The following ADRA1A variants were observed in gnomAD, a reference collection of about 807,000 sequenced individuals.
ADRA1A encodes the protein adrenoceptor alpha 1A.
In ADRA1A, 31 loss-of-function variants were observed where a neutral mutation model predicts 29.6. That is an observed-to-expected ratio of 1.05 (90% CI 0.79 to 1.41). The LOEUF is 1.41. Among genes scored for constraint, ADRA1A ranks in the 40% most tolerant of loss-of-function variants. The probability of loss-of-function intolerance (pLI) is 0.00; values close to 1 mark genes in which losing one functional copy is unlikely to be tolerated. For synonymous variants in ADRA1A, 311 were observed against 254.3 expected (o/e 1.22, Z -2.12); for missense variants, 619 against 601.1 (o/e 1.03, Z -0.31).
chr8:26,794,724 AG>A (rs1463845169), intron 2 of ADRA1A, among the ~76,000 whole-genome samples: 3 of 152,100 alleles, frequency 2.0e-5, no homozygotes, highest in Non-Finnish European at 4.4e-5. Flanking sequence ...TTGACCTATG[AG>A]CTCTAGTTAG....
rs1035737334 is a variant in ADRA1A, at chr8:26,769,992, C to A, written c.*157G>T. ...CACCCTCCCTCTTCCCTGTGCCCTACCCGCTGCCTGATGAGTTGGGTCTAC... is the reference window on the plus strand; with the variant it reads ...CACCCTCCCTCTTCCCTGTGCCCTAACCGCTGCCTGATGAGTTGGGTCTAC... On this transcript the variant is annotated 3_prime_UTR_variant, in exon 3 of 3. Coordinates refer to ENST00000380573, the MANE Select transcript of ADRA1A (RefSeq NM_000680.4). 2 of 1,440,262 alleles carry A rather than the reference C, an allele frequency of 1.4e-6. No homozygotes were observed. The highest frequency in any genetic ancestry group is 1.8e-6 in the Non-Finnish European group (2 of 1,101,468). 89.2% of individuals were successfully genotyped at this position (1,440,262 alleles called of 1,614,324 possible).
At position 26,803,919 on chromosome 8, in the gene ADRA1A, CTT is replaced by C. The variant is rs34314160; in HGVS notation, c.884-33255_884-33254del. Among the ~76,000 whole-genome samples, 280 of 95,202 alleles carry C rather than the reference CTT, an allele frequency of 2.9e-3. 3 individuals carry two copies. The highest frequency in any genetic ancestry group is 0.022 in the Admixed American group (162 of 7,492). The allele number at this position is 95,202 out of a possible 152,430, so 62.5% of individuals were successfully genotyped here. A position where few individuals can be genotyped will look rare whatever the true frequency, so the allele number is the denominator to read the frequency against. On this transcript the variant is annotated intron_variant, in intron 2 of 2. Coordinates refer to ENST00000380573, the MANE Select transcript of ADRA1A (RefSeq NM_000680.4). ...TGCAAAAGAATATTTTGGAAGTTTC[CTT>C]TTTTTTTTTTTTTTTTTTTTGAGAT...
At position 26,775,605 on chromosome 8, in the gene ADRA1A, C is replaced by T. The variant is rs1271083630; in HGVS notation, c.884-4939G>A. Among the ~76,000 whole-genome samples the T allele has an allele frequency of 6.6e-6, 1 of 152,200 alleles. No homozygotes were observed. Among genetic ancestry groups the T allele is most frequent in the Admixed American group, 6.5e-5 (1 of 15,280 alleles). ...AGCTCCTGACTTAATCCCCTGAACA[C>T]CTTGCCCTGCAGCTCAAGCCATCCT... On this transcript the variant is annotated intron_variant, in intron 2 of 2. Transcript: ENST00000380573. This position sits in a 1 kb window ranked among gnomAD's most constrained non-coding sequence, Gnocchi z 4.1.
chr8:26,808,826 T>C (rs1404088350), intron 2 of ADRA1A, among the ~76,000 whole-genome samples: 1 of 152,246 alleles, frequency 6.6e-6, no homozygotes, highest in Non-Finnish European at 1.5e-5. Context: ...TTTATTCTTA[T>C]TGTCATAAAT....
intron 2 of ADRA1A, among the ~76,000 whole-genome samples, chr8:26,820,884 TTTGTTG>T (rs10593968): frequency 4.6e-5 from 7 of 151,074 alleles, no homozygotes; most frequent in East Asian, 3.9e-4. Flanking sequence ...ATTAGGCCAT[TTTGTTG>T]TTGTTGTTGT....
At chr8:26,779,543 C>G (rs1435032769) in intron 2 of ADRA1A, 1 of 590,860 alleles carries the variant, frequency 1.7e-6, no homozygotes, top group Admixed American at 2.9e-5. Context: ...CCATGACAAG[C>G]AGGATGATGA....
intron 2 of ADRA1A, among the ~76,000 whole-genome samples, chr8:26,772,925 A>G (rs1040832266): frequency 1.3e-5 from 2 of 152,164 alleles, no homozygotes; most frequent in Non-Finnish European, 2.9e-5. Context: ...AGAAAGTTTT[A>G]TTCTTTAGCT....
chr8:26,830,739 C>T (rs954950313), intron 2 of ADRA1A, among the ~76,000 whole-genome samples: 1 of 152,122 alleles, frequency 6.6e-6, no homozygotes, highest in Non-Finnish European at 1.5e-5. Flanking sequence ...TGAGATGATC[C>T]TAGGGGAAAG....
downstream of ADRA1A, among the ~76,000 whole-genome samples, chr8:26,755,266 G>A (rs66479216): frequency 0.038 from 5,689 of 151,080 alleles, 138 homozygotes; most frequent in Admixed American, 0.065. Context: ...AGAGAATCAC[G>A]CAACTGGGAA....
intron 2 of ADRA1A, among the ~76,000 whole-genome samples, chr8:26,790,548 T>A (rs1374961600): frequency 1.3e-5 from 2 of 152,170 alleles, no homozygotes; most frequent in Non-Finnish European, 2.9e-5. Flanking sequence ...TATAGCACTA[T>A]AAGATGACTA....
At chr8:26,844,210 T>TA (rs1812040130) in intron 2 of ADRA1A, among the ~76,000 whole-genome samples, 1 of 152,140 alleles carries the variant, frequency 6.6e-6, no homozygotes, top group African/African-American at 2.4e-5. Flanking sequence ...GTGTAAAATA[T>TA]AAAATCTACA....
chr8:26,845,412 G>A (rs891658959), intron 2 of ADRA1A, among the ~76,000 whole-genome samples: 24 of 152,256 alleles, frequency 1.6e-4, no homozygotes, highest in African/African-American at 4.8e-4. Context: ...CCACTAGGAT[G>A]GACATCATTT....
In ADRA1A at chr8:26,864,656, A is replaced by C; in HGVS notation, c.314T>G (p.Val105Gly). ...GGACGCGGTGCAGCACAGCACATCC[A>C]CTGCCGCCCAGATGTTGCAGAAGAC... Reference protein sequence around the residue: ...GRVFCNIWAAVDVLCCTASIM... With the variant: ...GRVFCNIWAAGDVLCCTASIM... Residue 105 changes from valine (V) to glycine (G), a missense_variant, in exon 2 of 3, where the codon GTG (valine) becomes GGG (glycine). Coordinates refer to ENST00000380573, the MANE Select transcript of ADRA1A (RefSeq NM_000680.4). This position sits in a 1 kb window ranked among gnomAD's most constrained non-coding sequence, Gnocchi z 8.1. The C allele has an allele frequency of 6.2e-7, 1 of 1,614,188 alleles. No individual in the cohort carries two copies. The highest frequency in any genetic ancestry group is 1.1e-5 in the South Asian group (1 of 91,084).
In ADRA1A at chr8:26,825,160, T is replaced by C. The variant is rs4416829; in HGVS notation, c.883+38927A>G. Among the ~76,000 whole-genome samples the C allele has an allele frequency of 0.27, 40,372 of 152,064 alleles. 6,694 individuals are homozygous for C. Among genetic ancestry groups the C allele is most frequent in the South Asian group, 0.4 (1,930 of 4,816 alleles). ...CCCCCAGCCCCCACATGTCCCACCC[T>C]GAGCTTGCTAGGCCTTCCAGGGCCT... On this transcript the variant is annotated intron_variant, in intron 2 of 2. Transcript: ENST00000380573. This position sits in a 1 kb window ranked among gnomAD's most constrained non-coding sequence, Gnocchi z 5.7.
At chr8:26,803,383 T>C (rs1435206881) in intron 2 of ADRA1A, among the ~76,000 whole-genome samples, 3 of 152,004 alleles carry the variant, frequency 2.0e-5, no homozygotes, top group African/African-American at 4.8e-5. Flanking sequence ...AAATTAAAAA[T>C]GAAAAAAGAT....
At chr8:26,850,358 A>C (rs1469713795) in intron 2 of ADRA1A, among the ~76,000 whole-genome samples, 1 of 152,248 alleles carries the variant, frequency 6.6e-6, no homozygotes, top group Non-Finnish European at 1.5e-5. Context: ...AGAAGCAACA[A>C]GAGTATTTTG....
At chr8:26,827,959 T>A (rs968965593) in intron 2 of ADRA1A, among the ~76,000 whole-genome samples, 2 of 152,190 alleles carry the variant, frequency 1.3e-5, no homozygotes, top group Non-Finnish European at 2.9e-5. Flanking sequence ...AGTGGCGTGA[T>A]CATGGCTCAC....
intron 2 of ADRA1A, chr8:26,859,074 C>T (rs1813252296): frequency 1.0e-5 from 13 of 1,282,286 alleles, no homozygotes; most frequent in African/African-American, 3.1e-5. Context: ...GGGTGTTTCA[C>T]TTCTCAGCTG....
intron 2 of ADRA1A, among the ~76,000 whole-genome samples, chr8:26,797,987 C>CTTTTTTTTTTTTTTTTTTTTTTTT (rs35607881): frequency 6.7e-6 from 1 of 148,484 alleles, no homozygotes; most frequent in African/African-American, 2.5e-5. Context: ...GTAAGTTAGT[C>CTTTTTTTTTTTTTTTTTTTTTTTT]TTTTTTTTTT....
Sources: gnomAD v4.1 joint callset for allele counts (sites outside exome capture counted in the v4.1 genomes callset) on GRCh38, gnomAD v4.1.1 for gene constraint, Gnocchi (gnomAD v3.1) non-coding constraint, MANE v1.5 for transcripts, NCBI Gene and HGNC (gene_info 2026-07-23, HGNC 2026-07-21) for gene names.